The following ZRANB1 variants were observed in gnomAD, a reference collection of about 807,000 sequenced individuals.
ZRANB1 encodes ubiquitin thioesterase ZRANB1.
A neutral mutation model predicts 80.5 loss-of-function variants in ZRANB1; 16 were observed. That is an observed-to-expected ratio of 0.20 (90% confidence interval 0.13 to 0.30). ZRANB1 has a LOEUF of 0.30. Ranked by LOEUF, ZRANB1 falls within the 10% of genes least tolerant of loss-of-function variation. The pLI, the probability that ZRANB1 is intolerant of heterozygous loss-of-function variation, is 1.00. For synonymous variants in ZRANB1, 291 were observed against 293.1 expected (o/e 0.99, Z 0.07); for missense variants, 576 against 862.6 (o/e 0.67, Z 4.16).
At chr10:124,964,623 C>G (rs896962476) in intron 1 of ZRANB1, among the ~76,000 whole-genome samples, 1 of 152,130 alleles carries the variant, frequency 6.6e-6, no homozygotes. Flanking sequence ...TACAGATCTT[C>G]CTCTTTGCTT....
chr10:124,925,860 T>C, the ZRANB1 span, among the ~76,000 whole-genome samples: 2 of 152,214 alleles, frequency 1.3e-5, no homozygotes, highest in African/African-American at 2.4e-5. Context: ...TTCTGAGCAA[T>C]GCATTTTTAG....
Position 124,986,291 on chromosome 10 carries a change from G to GCGCACACACA in ZRANB1, c.*1300_*1301insGCACACACAC, listed in dbSNP as rs879175826. ...AGACGACACACGCACGCGCGCGCGC[G>GCGCACACACA]CACACACACACACACACACACACAC... is the stretch of plus-strand genomic sequence containing the variant. On this transcript the variant is annotated 3_prime_UTR_variant, in exon 9 of 9. Coordinates refer to ENST00000359653, the MANE Select transcript of ZRANB1 (RefSeq NM_017580.3). 8.6e-6 allele frequency: 1 copy of GCGCACACACA among 116,020 alleles called. No homozygotes were observed. The highest frequency in any genetic ancestry group is 3.3e-5 in the African/African-American group (1 of 30,496). 7.2% of individuals were successfully genotyped at this position (116,020 alleles called of 1,614,324 possible).
the ZRANB1 span, among the ~76,000 whole-genome samples, chr10:124,925,387 A>G: frequency 6.6e-6 from 1 of 151,924 alleles, no homozygotes; most frequent in Non-Finnish European, 1.5e-5. Flanking sequence ...GGCCATTTGC[A>G]TATCTTGTTT....
intron 1 of ZRANB1, among the ~76,000 whole-genome samples, chr10:124,965,383 G>C (rs554868787): frequency 6.6e-6 from 1 of 152,150 alleles, no homozygotes; most frequent in African/African-American, 2.4e-5. Flanking sequence ...GGACTGTTTT[G>C]AATATTGGAG....
chr10:124,945,043 A>G (rs575313524), intron 1 of ZRANB1, among the ~76,000 whole-genome samples: 1 of 152,326 alleles, frequency 6.6e-6, no homozygotes, highest in East Asian at 1.9e-4. Flanking sequence ...AAAAATTTAA[A>G]CAGGAGATAC....
chr10:124,943,048 G>A lies in ZRANB1; in HGVS notation c.555G>A (p.Leu185=), dbSNP rs1395085503. 24 of 1,614,060 alleles carry A rather than the reference G, an allele frequency of 1.5e-5. No individual in the cohort carries two copies. The highest frequency in any genetic ancestry group is 1.9e-5 in the Non-Finnish European group (23 of 1,180,034). Residue 185 remains leucine (L), a synonymous_variant, in exon 1 of 9, where the codon TTG becomes TTA. Coordinates refer to ENST00000359653, the MANE Select transcript of ZRANB1 (RefSeq NM_017580.3). ...CTAATAACATTGAAGCAATAGAATT[G>A]GCAGAGACTGAAGAGGCTTCTTCAA... ...PRPNNIEAIE[L]AETEEASSII...
At chr10:124,954,474 G>T (rs1951672973) in intron 1 of ZRANB1, among the ~76,000 whole-genome samples, 1 of 146,804 alleles carries the variant, frequency 6.8e-6, no homozygotes, top group Non-Finnish European at 1.5e-5. Context: ...TGGAAACAGG[G>T]TCTTGCTCTG....
chr10:124,983,463 T>C lies in ZRANB1; in HGVS notation c.1683T>C (p.Val561=). 1.2e-6 allele frequency: 2 copies of C among 1,609,388 alleles called. No individual in the cohort carries two copies. Among genetic ancestry groups the C allele is most frequent in the African/African-American group, 1.3e-5 (1 of 74,908 alleles). The part of the protein sequence containing the change: ...ETLGYTRFQG[V]YLPLLWEQSF... ...TTTTCTTCCCTCTCTTTCCAGGTGTTTATCTGCCTTTGTTGTGGGAACAGA... is the reference window on the plus strand; with the variant it reads ...TTTTCTTCCCTCTCTTTCCAGGTGTCTATCTGCCTTTGTTGTGGGAACAGA... The change falls in exon 8 of 9, where the codon GTT becomes GTC. Residue 561 remains valine (V), a synonymous_variant. Coordinates refer to ENST00000359653, the MANE Select transcript of ZRANB1 (RefSeq NM_017580.3). This position sits in a 1 kb window ranked among gnomAD's most constrained non-coding sequence, Gnocchi z 6.2.
chr10:124,943,700 T>TG (rs1302868050), intron 1 of ZRANB1, among the ~76,000 whole-genome samples: 1 of 152,228 alleles, frequency 6.6e-6, no homozygotes, highest in African/African-American at 2.4e-5. Context: ...TCTCCATTAC[T>TG]GGGGGCAGTG....
the ZRANB1 span, among the ~76,000 whole-genome samples, chr10:124,936,570 T>G: frequency 1.8e-4 from 27 of 152,304 alleles, no homozygotes; most frequent in African/African-American, 6.3e-4. Context: ...GATAAAGGGT[T>G]TTACCATATC....
At chr10:124,923,974 C>G in the ZRANB1 span, among the ~76,000 whole-genome samples, 1 of 149,944 alleles carries the variant, frequency 6.7e-6, no homozygotes, top group Non-Finnish European at 1.5e-5. Flanking sequence ...TTTTATTGTT[C>G]ATATATTGAG....
intron 1 of ZRANB1, among the ~76,000 whole-genome samples, chr10:124,962,074 G>C (rs1000868882): frequency 6.6e-6 from 1 of 152,216 alleles, no homozygotes; most frequent in Non-Finnish European, 1.5e-5. Context: ...TTTTGAAAGA[G>C]TTTGCTGTGA....
chr10:124,964,558 C>G (rs1290528027), intron 1 of ZRANB1, among the ~76,000 whole-genome samples: 1 of 152,176 alleles, frequency 6.6e-6, no homozygotes, highest in Non-Finnish European at 1.5e-5. Context: ...TAAACATGAA[C>G]ACATATAGTA....
chr10:124,942,135 C>T lies in ZRANB1; in HGVS notation c.-359C>T, dbSNP rs79241614. The T allele has an allele frequency of 3.3e-3, 3,450 of 1,056,192 alleles. 92 individuals carry two copies. In the African/African-American group the frequency reaches 0.054, roughly 16 times the overall value. The allele number at this position is 1,056,192 out of a possible 1,614,324, so 65.4% of individuals were successfully genotyped here. A position where few individuals can be genotyped will look rare whatever the true frequency, so the allele number is the denominator to read the frequency against. On this transcript the variant is annotated 5_prime_UTR_variant, in exon 1 of 9. Coordinates refer to ENST00000359653, the MANE Select transcript of ZRANB1 (RefSeq NM_017580.3). ...TTTCTAAATTGATGTGATGGCCTCC[C>T]TGAAATTAAACATTTCTATTAGTGG...
chr10:124,962,167 T>C (rs1460721140), intron 1 of ZRANB1, among the ~76,000 whole-genome samples: 2 of 152,272 alleles, frequency 1.3e-5, no homozygotes, highest in African/African-American at 4.8e-5. Context: ...TTCCTTTTAA[T>C]ATGAAAACCG....
chr10:124,985,326 A>G lies in ZRANB1; in HGVS notation c.*334A>G, dbSNP rs1271473338. 1 of 190,950 alleles carries G rather than the reference A, an allele frequency of 5.2e-6. No individual in the cohort carries two copies. The highest frequency in any genetic ancestry group is 6.0e-5 in the Admixed American group (1 of 16,634). 11.8% of individuals were successfully genotyped at this position (190,950 alleles called of 1,614,324 possible). A position where few individuals can be genotyped will look rare whatever the true frequency, so the allele number is the denominator to read the frequency against. The stretch of plus-strand genomic sequence containing the variant: ...TAGGAAAAGTTGTACCAGCATCTTC[A>G]TATTATTGAGAAAATTTTTTCCAGC... On this transcript the variant is annotated 3_prime_UTR_variant, in exon 9 of 9. Transcript: ENST00000359653.
At chr10:124,968,968 A>G (rs552845679) in intron 2 of ZRANB1, among the ~76,000 whole-genome samples, 1 of 152,324 alleles carries the variant, frequency 6.6e-6, no homozygotes, top group South Asian at 2.1e-4. Context: ...GTTTTGGCTC[A>G]TGATGTCATG....
At chr10:124,973,414 C>T (rs1951844489) in intron 3 of ZRANB1, among the ~76,000 whole-genome samples, 1 of 152,226 alleles carries the variant, frequency 6.6e-6, no homozygotes, top group African/African-American at 2.4e-5. Context: ...GCCTCAGCCT[C>T]CCAAAGTGCT....
chr10:124,964,749 TA>T (rs1249845454), intron 1 of ZRANB1, among the ~76,000 whole-genome samples: 1 of 152,186 alleles, frequency 6.6e-6, no homozygotes, highest in African/African-American at 2.4e-5. Context: ...CTAAAGACTA[TA>T]AAAGGTGCCT....
Sources: gnomAD v4.1 joint callset for allele counts (sites outside exome capture counted in the v4.1 genomes callset) on GRCh38, gnomAD v4.1.1 for gene constraint, Gnocchi (gnomAD v3.1) non-coding constraint, MANE v1.5 for transcripts, NCBI Gene and HGNC (gene_info 2026-07-23, HGNC 2026-07-21) for gene names.